ZC3H15: variants seen among roughly 807,000 people sequenced by gnomAD.
The protein encoded by ZC3H15 is zinc finger CCCH domain-containing protein 15.
Under a neutral mutation model 51.2 loss-of-function variants are expected in ZC3H15, and 15 were observed. The observed-to-expected ratio is 0.29, with a 90% CI of 0.20 to 0.45. ZC3H15 has a LOEUF of 0.45. ZC3H15 is among the 20% of genes least tolerant of loss of function. The pLI is 1.00. For missense variants in ZC3H15, 381 were observed against 494.7 expected, an observed-to-expected ratio of 0.77 and a Z score of 2.18; for synonymous variants, 144 against 162.8, an observed-to-expected ratio of 0.88 and a Z score of 0.88.
intron 5 of ZC3H15, 28 bp from the exon 6 acceptor site, chr2:186,504,004 C>T (rs1685427842): frequency 6.6e-7 from 1 of 1,522,166 alleles, no homozygotes; most frequent in Admixed American, 2.2e-5. Context: ...CACTGAGCCA[C>T]CGCTTGTGAA....
intron 2 of ZC3H15, among the ~76,000 whole-genome samples, chr2:186,495,764 C>T (rs867979822): frequency 8.5e-5 from 13 of 152,232 alleles, no homozygotes; most frequent in African/African-American, 2.2e-4. Context: ...TGCCAGATCA[C>T]TTTCCATAGA....
intron 1 of ZC3H15, chr2:186,487,215 A>G (rs894190246): frequency 9.9e-5 from 15 of 152,180 alleles, no homozygotes; most frequent in African/African-American, 3.6e-4. Context: ...CGTTTAACAC[A>G]TTGAGCCTGT....
chr2:186,500,187 A>T lies in ZC3H15; in HGVS notation c.183A>T (p.Ala61=). The T allele has an allele frequency of 1.9e-6, 3 of 1,609,798 alleles. No individual in the cohort carries two copies. The highest frequency in any genetic ancestry group is 2.5e-6 in the Non-Finnish European group (3 of 1,178,880). Residue 61 remains alanine, a synonymous_variant, in exon 3 of 10, where the codon GCA becomes GCT. Transcript: ENST00000337859. Reference sequence around the variant, plus strand: ...TAAACCTGGGAATATTATAGGTAGCACAGAGTGAAGCTGAAAAGAAATTGA... The same window carrying T: ...TAAACCTGGGAATATTATAGGTAGCTCAGAGTGAAGCTGAAAAGAAATTGA... The part of the protein sequence containing the change: ...KFGQQNPRQV[A]QSEAEKKLKK...
intron 1 of ZC3H15, chr2:186,487,311 G>A (rs1405617958): frequency 6.6e-6 from 1 of 152,166 alleles, no homozygotes; most frequent in Non-Finnish European, 1.5e-5. Flanking sequence ...TTCCTTAAAA[G>A]ATGAACCATA....
Position 186,508,754 on chromosome 2 carries a change from AAATT to A in ZC3H15, c.*24_*27del, listed in dbSNP as rs750148228. 86 of 1,610,106 alleles carry A rather than the reference AAATT, an allele frequency of 5.3e-5. No homozygotes were observed. Among genetic ancestry groups the A allele is most frequent in the Non-Finnish European group, 6.9e-5 (81 of 1,177,252 alleles). ...AATGACACCAAACACATCGCTGAAAAAATTAAGTCAGCTCAGCACGAGTTGAAAT... is the reference window on the plus strand; with the variant it reads ...AATGACACCAAACACATCGCTGAAAAAAGTCAGCTCAGCACGAGTTGAAAT... On this transcript the variant is annotated 3_prime_UTR_variant, in exon 10 of 10. Transcript: ENST00000337859.
chr2:186,496,987 T>C, intron 2 of ZC3H15: 2 of 331,618 alleles, frequency 6.0e-6, no homozygotes, highest in South Asian at 4.8e-5. Flanking sequence ...CTGGTTGTTC[T>C]TAGGCATTTA....
At chr2:186,493,958 T>C (rs887798064) in intron 1 of ZC3H15, among the ~76,000 whole-genome samples, 2 of 150,844 alleles carry the variant, frequency 1.3e-5, no homozygotes, top group African/African-American at 4.9e-5. Flanking sequence ...TGGACTTGAA[T>C]TTTGGGGGAC....
chr2:186,492,017 T>G (rs926013923), intron 1 of ZC3H15, among the ~76,000 whole-genome samples: 2 of 152,286 alleles, frequency 1.3e-5, no homozygotes, highest in Admixed American at 6.5e-5. Context: ...GTGAGTGCTT[T>G]CTTTTCTTAC....
intron 1 of ZC3H15, among the ~76,000 whole-genome samples, chr2:186,490,414 T>A (rs528915677): frequency 2.1e-4 from 32 of 152,232 alleles, no homozygotes; most frequent in African/African-American, 7.2e-4. Flanking sequence ...AGAGACAGGA[T>A]CCAGGTGTCG....
intron 1 of ZC3H15, among the ~76,000 whole-genome samples, chr2:186,493,602 C>T (rs1371987349): frequency 6.6e-6 from 1 of 152,086 alleles, no homozygotes; most frequent in Non-Finnish European, 1.5e-5. Flanking sequence ...AACATGACTA[C>T]AAACTGGGTC....
At chr2:186,500,778 C>T (rs1288166848) in intron 3 of ZC3H15, 1 of 444,306 alleles carries the variant, frequency 2.3e-6, no homozygotes, top group African/African-American at 2.0e-5. Context: ...TGGTTCAAGC[C>T]ATTGTCCTGC....
chr2:186,506,912 T>A, intron 9 of ZC3H15, 76 bp downstream of exon 9: 1 of 1,481,336 alleles, frequency 6.8e-7, no homozygotes, highest in Non-Finnish European at 9.1e-7. Flanking sequence ...CTTGGCAAAC[T>A]TAGATGTGTG....
intron 1 of ZC3H15, chr2:186,487,496 A>G (rs915563054): frequency 6.6e-6 from 1 of 152,246 alleles, no homozygotes; most frequent in African/African-American, 2.4e-5. Flanking sequence ...ATTTAAGAAA[A>G]TGCTTAAGAA....
intron 5 of ZC3H15, among the ~76,000 whole-genome samples, chr2:186,503,788 A>C (rs148846412): frequency 3.1e-4 from 47 of 152,334 alleles, no homozygotes; most frequent in African/African-American, 9.1e-4. Flanking sequence ...ATTTAGAACA[A>C]ATGAAAACTG....
intron 5 of ZC3H15, among the ~76,000 whole-genome samples, chr2:186,503,672 C>T (rs559644076): frequency 4.6e-5 from 7 of 152,278 alleles, no homozygotes; most frequent in African/African-American, 7.2e-5. Flanking sequence ...TAAGCCACAA[C>T]GCCTGGCCTG....
Position 186,501,392 on chromosome 2 carries a change from T to G in ZC3H15, c.409T>G (p.Tyr137Asp). ...GAGAAAATGTGAAAAGCGAAGTGTT[T>G]ACATTGATGCAAGAGATGAAGAACT... Reference protein sequence around the residue: ...LERKCEKRSVYIDARDEELEK... With the variant: ...LERKCEKRSVDIDARDEELEK... Residue 137 changes from tyrosine to aspartate, a missense_variant, in exon 4 of 10, where the codon TAC (tyrosine) becomes GAC (aspartate). Physicochemically the swap from Tyr to Asp is radical, Grantham distance 160. Coordinates refer to ENST00000337859, the MANE Select transcript of ZC3H15 (RefSeq NM_018471.3). 1 of 1,612,492 alleles carries G rather than the reference T, an allele frequency of 6.2e-7. No homozygotes were observed. The highest frequency in any genetic ancestry group is 8.5e-7 in the Non-Finnish European group (1 of 1,179,556).
chr2:186,508,880 C>A lies in ZC3H15; in HGVS notation c.*147C>A. The stretch of plus-strand genomic sequence containing the variant: ...ACCTCCTGCAAAAAAGGCATCTTGT[C>A]CCTACATCTTCTCTTCTGACTTTGG... On this transcript the variant is annotated 3_prime_UTR_variant, in exon 10 of 10. Transcript: ENST00000337859. 1.3e-6 allele frequency: 1 copy of A among 783,582 alleles called. No homozygotes were observed. Among genetic ancestry groups the A allele is most frequent in the South Asian group, 1.8e-5 (1 of 56,716 alleles). The allele number at this position is 783,582 out of a possible 1,614,324, so 48.5% of individuals were successfully genotyped here.
At chr2:186,494,342 T>C (rs1685247763) in intron 1 of ZC3H15, among the ~76,000 whole-genome samples, 1 of 152,226 alleles carries the variant, frequency 6.6e-6, no homozygotes, top group Non-Finnish European at 1.5e-5. Context: ...TTAATTGTTT[T>C]TGAGAGGATA....
chr2:186,492,541 G>A (rs1685216917), intron 1 of ZC3H15, among the ~76,000 whole-genome samples: 1 of 152,136 alleles, frequency 6.6e-6, no homozygotes, highest in Non-Finnish European at 1.5e-5. Flanking sequence ...CAAAGTTTTG[G>A]TATATGGATA....
Sources: gnomAD v4.1 joint callset for allele counts (sites outside exome capture counted in the v4.1 genomes callset) on GRCh38, gnomAD v4.1.1 for gene constraint, MANE v1.5 for transcripts, NCBI Gene and HGNC (gene_info 2026-07-23, HGNC 2026-07-21) for gene names.